Variants in GRM7 observed in about 807,000 individuals in gnomAD.
GRM7 encodes glutamate metabotropic receptor 7, also known as metabotropic glutamate receptor 7.
Under a neutral mutation model 84.5 loss-of-function variants are expected in GRM7, and 35 were observed. The ratio of observed to expected loss-of-function variants is 0.41; its 90% CI spans 0.32 to 0.55. GRM7 has a LOEUF of 0.55. GRM7 is among the 20% of genes least tolerant of loss of function. The pLI, the probability that GRM7 is intolerant of heterozygous loss-of-function variation, is 0.19. For missense variants in GRM7, 1,003 were observed against 1,194.6 expected (o/e 0.84, Z 2.36); for synonymous variants, 487 against 455.1 (o/e 1.07, Z -0.89).
chr3:7,019,979 T>A (rs1259956041), intron 1 of GRM7, among the ~76,000 whole-genome samples: 2 of 152,126 alleles, frequency 1.3e-5, no homozygotes, highest in Admixed American at 1.3e-4. Flanking sequence ...AAATAAAACC[T>A]GTTCATCAAG....
chr3:7,413,837 AAAT>A (rs372186564), intron 4 of GRM7, among the ~76,000 whole-genome samples: 13 of 152,032 alleles, frequency 8.6e-5, no homozygotes, highest in Non-Finnish European at 1.6e-4. Flanking sequence ...GGGAACTTGA[AAAT>A]AATAATAATA....
chr3:7,666,452 T>G (rs1699705472), intron 8 of GRM7, among the ~76,000 whole-genome samples: 1 of 152,222 alleles, frequency 6.6e-6, no homozygotes, highest in African/African-American at 2.4e-5. Context: ...CCACATAATC[T>G]GCTTTGCAGC....
In GRM7 at chr3:7,391,983, C is replaced by T. The variant is rs547849528; in HGVS notation, c.1034-23040C>T. Among the ~76,000 whole-genome samples, 5 of 152,250 alleles carry T rather than the reference C, an allele frequency of 3.3e-5. No homozygotes were observed. The East Asian group carries it at 9.7e-4, about 30-fold the overall frequency. ...CACTGAGGGGGTTGGCAAGAGATAACCCCCTCTCTACATCTATTCTTGAGT... is the reference window on the plus strand; with the variant it reads ...CACTGAGGGGGTTGGCAAGAGATAATCCCCTCTCTACATCTATTCTTGAGT... On this transcript the variant is annotated intron_variant, in intron 4 of 9. Transcript: ENST00000357716.
chr3:7,559,746 T>C (rs1693930139), intron 7 of GRM7, among the ~76,000 whole-genome samples: 1 of 152,100 alleles, frequency 6.6e-6, no homozygotes, highest in Non-Finnish European at 1.5e-5. Context: ...AGGGCTGCCA[T>C]AACAGAATAC....
At chr3:7,062,078 G>A (rs1373069050) in intron 1 of GRM7, among the ~76,000 whole-genome samples, 1 of 151,514 alleles carries the variant, frequency 6.6e-6, no homozygotes, top group Non-Finnish European at 1.5e-5. Flanking sequence ...GAACCCACTG[G>A]AGACACAAAG....
chr3:7,000,705 G>C (rs1367750424), intron 1 of GRM7, among the ~76,000 whole-genome samples: 1 of 152,086 alleles, frequency 6.6e-6, no homozygotes, highest in African/African-American at 2.4e-5. Flanking sequence ...GATGCACTTT[G>C]GCATTTCTTT....
Position 7,737,465 on chromosome 3 carries a change from T to A in GRM7, c.2699-2892T>A, listed in dbSNP as rs566964775. ...GTATATTTCCTTAGCAAGTGCTTCA[T>A]TGCGCAACTATTTTGAGCTCAGTAA... On this transcript the variant is annotated intron_variant, in intron 9 of 9. Coordinates refer to ENST00000357716, the MANE Select transcript of GRM7 (RefSeq NM_000844.4). Among the ~76,000 whole-genome samples, 3 of 152,358 alleles carry A rather than the reference T, an allele frequency of 2.0e-5. No homozygotes were observed. In the South Asian group the frequency reaches 6.2e-4, roughly 32 times the overall value.
At chr3:7,080,564 T>C (rs987356872) in intron 1 of GRM7, among the ~76,000 whole-genome samples, 3 of 152,018 alleles carry the variant, frequency 2.0e-5, no homozygotes, top group Non-Finnish European at 4.4e-5. Flanking sequence ...CACAATGCCC[T>C]TTCTTATATA....
rs71308557 is a variant in GRM7, at chr3:7,554,656, G to A, written c.1516-23766G>A. On this transcript the variant is annotated intron_variant, in intron 7 of 9. Coordinates refer to ENST00000357716, the MANE Select transcript of GRM7 (RefSeq NM_000844.4). ...GTGTGGGCAGACAGTAGGGATTGGGGTTGGTGTGAGGATGGTAGGTCCTGG... is the reference window on the plus strand; with the variant it reads ...GTGTGGGCAGACAGTAGGGATTGGGATTGGTGTGAGGATGGTAGGTCCTGG... Among the ~76,000 whole-genome samples the A allele has an allele frequency of 2.6e-3, 390 of 152,290 alleles. 1 individual carries two copies. The highest frequency in any genetic ancestry group is 4.7e-3 in the Non-Finnish European group (320 of 68,032).
chr3:7,120,241 CG>C (rs1409354104), intron 1 of GRM7, among the ~76,000 whole-genome samples: 11 of 151,916 alleles, frequency 7.2e-5, no homozygotes, highest in Admixed American at 2.0e-4. Context: ...TAGTCAAGAA[CG>C]GGAAAAGAGA....
chr3:7,387,054 T>C (rs186529184), intron 4 of GRM7, among the ~76,000 whole-genome samples: 1 of 152,274 alleles, frequency 6.6e-6, no homozygotes, highest in South Asian at 2.1e-4. Flanking sequence ...TTATTGGCCA[T>C]GTTTATGTCT....
chr3:7,243,029 A>G, intron 2 of GRM7, among the ~76,000 whole-genome samples: 1 of 152,176 alleles, frequency 6.6e-6, no homozygotes, highest in East Asian at 1.9e-4. Context: ...GGTGTGCTGA[A>G]GGCAATGCTT....
chr3:7,152,214 A>G (rs1365330637), intron 2 of GRM7, among the ~76,000 whole-genome samples: 1 of 152,140 alleles, frequency 6.6e-6, no homozygotes, highest in Admixed American at 6.6e-5. Flanking sequence ...ATTTGTTAGC[A>G]CCTCTTGAGT....
chr3:7,393,209 C>G (rs866456518), intron 4 of GRM7, among the ~76,000 whole-genome samples: 1 of 152,162 alleles, frequency 6.6e-6, no homozygotes, highest in Non-Finnish European at 1.5e-5. Context: ...AGTGCAGCAA[C>G]TGCAGCTGTG....
chr3:6,940,844 A>T (rs957073622), intron 1 of GRM7, among the ~76,000 whole-genome samples: 1 of 152,034 alleles, frequency 6.6e-6, no homozygotes, highest in Middle Eastern at 3.2e-3. Flanking sequence ...TTCCTCACCT[A>T]CTCTACCCTG....
chr3:7,469,428 A>G (rs1698603708), intron 7 of GRM7, among the ~76,000 whole-genome samples: 1 of 152,186 alleles, frequency 6.6e-6, no homozygotes, highest in South Asian at 2.1e-4. Context: ...TGATTTTTTT[A>G]TTTTAGACAC....
chr3:7,365,647 G>A (rs144357721), intron 4 of GRM7, among the ~76,000 whole-genome samples: 57,552 of 129,546 alleles, frequency 0.44, 11,945 homozygotes, highest in East Asian at 0.58. Context: ...GTGCGTGTGT[G>A]TATATATATA....
chr3:6,883,292 T>C (rs1559304705), intron 1 of GRM7, among the ~76,000 whole-genome samples: 1 of 152,058 alleles, frequency 6.6e-6, no homozygotes, highest in Non-Finnish European at 1.5e-5. Flanking sequence ...ATTATTTTGT[T>C]ATAGTTTTCA....
At chr3:7,006,178 C>A (rs918975223) in intron 1 of GRM7, among the ~76,000 whole-genome samples, 1 of 152,104 alleles carries the variant, frequency 6.6e-6, no homozygotes, top group Non-Finnish European at 1.5e-5. Flanking sequence ...AAGAGTCCCC[C>A]AGAAATTGAA....
Sources: allele counts gnomAD v4.1 joint callset (sites outside exome capture counted in the v4.1 genomes callset), GRCh38; gene constraint gnomAD v4.1.1; transcripts MANE v1.5; gene names NCBI Gene and HGNC (gene_info 2026-07-23, HGNC 2026-07-21).